SLC44A4: variants seen among roughly 807,000 people sequenced by gnomAD.
SLC44A4 encodes the protein choline transporter-like protein 4.
Under a neutral mutation model 97.0 loss-of-function variants are expected in SLC44A4, and 74 were observed. The ratio of observed to expected loss-of-function variants is 0.76; its 90% confidence interval spans 0.63 to 0.93. SLC44A4 has a LOEUF of 0.93. SLC44A4 is among the 40% of genes least tolerant of loss of function. The pLI, the probability that SLC44A4 is intolerant of heterozygous loss-of-function variation, is 0.00. For missense variants in SLC44A4, 799 were observed against 902.9 expected (o/e 0.88, Z 1.48); for synonymous variants, 325 against 363.8 (o/e 0.89, Z 1.21).
intron 11 of SLC44A4, 118 bp downstream of exon 11, chr6:31,870,485 T>C (rs911866556): frequency 2.7e-6 from 2 of 746,374 alleles, no homozygotes; most frequent in Non-Finnish European, 4.5e-6. Flanking sequence ...ACCACTGTGC[T>C]ATATTCCTCC....
rs951173257 is a variant in SLC44A4, at chr6:31,875,390, C to T, written c.243-362G>A. 3.3e-5 allele frequency among the ~76,000 whole-genome samples: 5 copies of T among 152,340 alleles called. No homozygotes were observed. The East Asian group carries it at 9.6e-4, about 29-fold the overall frequency. On this transcript the variant is annotated intron_variant, in intron 4 of 20. Coordinates refer to ENST00000229729, the MANE Select transcript of SLC44A4 (RefSeq NM_025257.3). Reference sequence around the variant, plus strand: ...AATGCGCTTGTGTGTGTAAAGTTTACTGCCTGCCTGGAACATAGTAAATGC... The same window carrying T: ...AATGCGCTTGTGTGTGTAAAGTTTATTGCCTGCCTGGAACATAGTAAATGC...
At chr6:31,866,672 C>T (rs766283857) in intron 13 of SLC44A4, among the ~76,000 whole-genome samples, 3 of 152,002 alleles carry the variant, frequency 2.0e-5, no homozygotes, top group East Asian at 1.9e-4. Flanking sequence ...GTGGGCGGAT[C>T]GCCTGAGGTC....
intron 7 of SLC44A4, among the ~76,000 whole-genome samples, chr6:31,872,350 C>T (rs1003074161): frequency 2.0e-5 from 3 of 152,160 alleles, no homozygotes; most frequent in African/African-American, 7.2e-5. Flanking sequence ...ATCCTCCCCA[C>T]TTAGCCTCCC....
chr6:31,864,460 C>T (rs1762724143), intron 20 of SLC44A4, 192 bp downstream of exon 20: 1 of 610,330 alleles, frequency 1.6e-6, no homozygotes, highest in Non-Finnish European at 2.9e-6. Flanking sequence ...GGAGAGCCTA[C>T]CGGCCTGGGG....
At chr6:31,864,612 A>C (rs1762733858) in intron 20 of SLC44A4, 40 bp downstream of exon 20, 1 of 1,567,900 alleles carries the variant, frequency 6.4e-7, no homozygotes, top group Admixed American at 1.7e-5. Context: ...ACGGCTCAGT[A>C]CTTTAAGGTT....
rs1200096523 is a variant in SLC44A4, at chr6:31,863,534, T to C, written c.*93A>G. ...GCCACGGCGCCTGGCCTAAAACCTT[T>C]TTTTACCACAAAATGGAGACCTGTA... On this transcript the variant is annotated 3_prime_UTR_variant, in exon 21 of 21. Coordinates refer to ENST00000229729, the MANE Select transcript of SLC44A4 (RefSeq NM_025257.3). 1.3e-6 allele frequency: 2 copies of C among 1,502,584 alleles called. No homozygotes were observed. Among genetic ancestry groups the C allele is most frequent in the Non-Finnish European group, 1.8e-6 (2 of 1,128,252 alleles). 93.1% of individuals were successfully genotyped at this position (1,502,584 alleles called of 1,614,324 possible).
chr6:31,878,748 C>T lies in SLC44A4; in HGVS notation c.40+193G>A, dbSNP rs2151576545. Among the ~76,000 whole-genome samples the T allele has an allele frequency of 6.6e-6, 1 of 152,236 alleles. No homozygotes were observed. Among genetic ancestry groups the T allele is most frequent in the Admixed American group, 6.5e-5 (1 of 15,296 alleles). On this transcript the variant is annotated intron_variant, in intron 1 of 20. Transcript: ENST00000229729. The surrounding 1 kb of genome is among the most constrained non-coding windows in gnomAD (Gnocchi z 4.0). Reference sequence around the variant, plus strand: ...CTCCCCATGGGCTCCCCAGCAACAGCCCCAGCCCCCGGGCCCCATCCTCCT... The same window carrying T: ...CTCCCCATGGGCTCCCCAGCAACAGTCCCAGCCCCCGGGCCCCATCCTCCT...
At chr6:31,871,099 C>T (rs985227306) in intron 9 of SLC44A4, 52 bp from the exon 10 acceptor site, 4 of 1,518,864 alleles carry the variant, frequency 2.6e-6, no homozygotes, top group Non-Finnish European at 3.6e-6. Context: ...TCAAATCTTT[C>T]CCCTTACAGA....
intron 10 of SLC44A4, 39 bp downstream of exon 10, chr6:31,870,773 T>G (rs758076908): frequency 1.2e-6 from 2 of 1,611,218 alleles, no homozygotes; most frequent in Non-Finnish European, 1.7e-6. Flanking sequence ...AGGGCGGTCC[T>G]TGGGCAGCTG....
At position 31,874,268 on chromosome 6, in the gene SLC44A4, A is replaced by G. The variant is rs1441078134; in HGVS notation, c.529+192T>C. 6.6e-6 allele frequency among the ~76,000 whole-genome samples: 1 copy of G among 152,230 alleles called. No individual in the cohort carries two copies. Among genetic ancestry groups the G allele is most frequent in the Non-Finnish European group, 1.5e-5 (1 of 68,032 alleles). ...CCTCTGTCCCCAGCACCTGGCACAT[A>G]GTAGGTCCCCAAAACACTGATGGTC... On this transcript the variant is annotated intron_variant, in intron 7 of 20. Transcript: ENST00000229729. This position sits in a 1 kb window ranked among gnomAD's most constrained non-coding sequence, Gnocchi z 4.8.
chr6:31,865,445 G>A lies in SLC44A4; in HGVS notation c.1686+53C>T. 1.9e-6 allele frequency: 3 copies of A among 1,611,626 alleles called. No homozygotes were observed. The highest frequency in any genetic ancestry group is 2.5e-6 in the Non-Finnish European group (3 of 1,177,764). ...GGCGAGCTGCCTGGACCAGGATGGG[G>A]GTGTCTAGACCAAAGGGCACCAGAA... On this transcript the variant is annotated intron_variant, in intron 16 of 20. Coordinates refer to ENST00000229729, the MANE Select transcript of SLC44A4 (RefSeq NM_025257.3). The surrounding 1 kb of genome is among the most constrained non-coding windows in gnomAD (Gnocchi z 5.2).
chr6:31,866,000 G>A lies in SLC44A4; in HGVS notation c.1360C>T (p.Leu454Phe). The change falls in exon 14 of 21, where the codon CTT becomes TTT. Residue 454 changes from leucine to phenylalanine, a missense_variant. Leu to Phe is a conservative substitution (Grantham distance 22). Coordinates refer to ENST00000229729, the MANE Select transcript of SLC44A4 (RefSeq NM_025257.3). This position sits in a 1 kb window ranked among gnomAD's most constrained non-coding sequence, Gnocchi z 5.2. ...TGGCCCAGGGCCAGTACCCAGTTAA[G>A]GGTCCAGAAGAGCCCCAGGACCCCA... is the stretch of plus-strand genomic sequence containing the variant. Reference protein sequence around the residue: ...IYGVLGLFWTLNWVLALGQCV... With the variant: ...IYGVLGLFWTFNWVLALGQCV... 1 of 1,614,216 alleles carries A rather than the reference G, an allele frequency of 6.2e-7. No homozygotes were observed. Among genetic ancestry groups the A allele is most frequent in the Non-Finnish European group, 8.5e-7 (1 of 1,180,032 alleles).
At chr6:31,863,949 A>T (rs2151550873) in intron 20 of SLC44A4, among the ~76,000 whole-genome samples, 1 of 152,256 alleles carries the variant, frequency 6.6e-6, no homozygotes, top group South Asian at 2.1e-4. Context: ...TTAGCGGAAA[A>T]AATGCATGTC....
chr6:31,865,143 C>T lies in SLC44A4; in HGVS notation c.1761-63G>A. The T allele has an allele frequency of 6.3e-7, 1 of 1,592,820 alleles. No homozygotes were observed. The highest frequency in any genetic ancestry group is 8.6e-7 in the Non-Finnish European group (1 of 1,161,258). On this transcript the variant is annotated intron_variant, in intron 17 of 20. Coordinates refer to ENST00000229729, the MANE Select transcript of SLC44A4 (RefSeq NM_025257.3). The surrounding 1 kb of genome is among the most constrained non-coding windows in gnomAD (Gnocchi z 5.2). Reference sequence around the variant, plus strand: ...CTGGCAATGCTGAGAGTGAAATTGGCTTCGTAATTTGTGGGGACTGGTGCA... The same window carrying T: ...CTGGCAATGCTGAGAGTGAAATTGGTTTCGTAATTTGTGGGGACTGGTGCA...
intron 13 of SLC44A4, among the ~76,000 whole-genome samples, chr6:31,867,734 A>AAAAAAG (rs1368996864): frequency 2.0e-5 from 3 of 151,986 alleles, no homozygotes; most frequent in Admixed American, 6.6e-5. Context: ...AAAAAGAAAA[A>AAAAAAG]AAAAAGAAAA....
At position 31,874,394 on chromosome 6, in the gene SLC44A4, T is replaced by C; in HGVS notation, c.529+66A>G. On this transcript the variant is annotated intron_variant, in intron 7 of 20. Transcript: ENST00000229729. This position sits in a 1 kb window ranked among gnomAD's most constrained non-coding sequence, Gnocchi z 4.8. ...TGACTTCACTCTCTCTGGGCCTGAT[T>C]TCTTCATTCAAGCAATGAAAACACT... 1 of 1,559,472 alleles carries C rather than the reference T, an allele frequency of 6.4e-7. No individual in the cohort carries two copies. The highest frequency in any genetic ancestry group is 8.8e-7 in the Non-Finnish European group (1 of 1,132,610).
intron 13 of SLC44A4, among the ~76,000 whole-genome samples, 190 bp from the exon 14 acceptor site, chr6:31,866,316 TAGC>T (rs1462536122): frequency 2.0e-5 from 3 of 152,124 alleles, no homozygotes; most frequent in Non-Finnish European, 4.4e-5. Context: ...GGTCTGCCTA[TAGC>T]ATAAGCATAA....
intron 11 of SLC44A4, 31 bp from the exon 12 acceptor site, chr6:31,869,668 C>T (rs752844745): frequency 1.4e-5 from 21 of 1,544,564 alleles, no homozygotes; most frequent in Admixed American, 1.3e-4. Flanking sequence ...TAACCGGCAC[C>T]GCCCCAGCTG....
intron 7 of SLC44A4, 65 bp from the exon 8 acceptor site, chr6:31,871,626 C>G: frequency 1.6e-6 from 2 of 1,253,440 alleles, no homozygotes; most frequent in Non-Finnish European, 2.3e-6. Context: ...TCTCTGGCCC[C>G]CTCCCAGTCC....
Sources: gnomAD v4.1 joint callset for allele counts (sites outside exome capture counted in the v4.1 genomes callset) on GRCh38, gnomAD v4.1.1 for gene constraint, Gnocchi (gnomAD v3.1) non-coding constraint, MANE v1.5 for transcripts, NCBI Gene and HGNC (gene_info 2026-07-23, HGNC 2026-07-21) for gene names.